The following UNC13C variants were observed in gnomAD, a reference collection of about 807,000 sequenced individuals.
The protein encoded by UNC13C is unc-13 homolog C.
UNC13C carries 174 observed loss-of-function variants against 245.4 expected under a neutral mutation model. That is an observed-to-expected ratio of 0.71 (90% CI 0.63 to 0.80). The LOEUF (loss-of-function observed/expected upper bound fraction) is 0.80. Ranked by LOEUF, UNC13C falls within the 30% of genes least tolerant of loss-of-function variation. UNC13C has a pLI of 0.00. For synonymous variants in UNC13C, 992 were observed against 895.1 expected (o/e 1.11, Z -1.93); for missense variants, 2,829 against 2,602.9 (o/e 1.09, Z -1.89).
At chr15:54,518,957 A>T (rs1394111970) in intron 24 of UNC13C, among the ~76,000 whole-genome samples, 1 of 152,094 alleles carries the variant, frequency 6.6e-6, no homozygotes, top group East Asian at 1.9e-4. Context: ...TTCCTTTCCC[A>T]TTGTTATAAA....
intron 1 of UNC13C, among the ~76,000 whole-genome samples, chr15:53,980,192 C>A (rs1026384981): frequency 6.6e-6 from 1 of 152,154 alleles, no homozygotes; most frequent in Non-Finnish European, 1.5e-5. Context: ...CTATAAACCT[C>A]ATTTTTGCCA....
intron 2 of UNC13C, among the ~76,000 whole-genome samples, chr15:54,117,828 G>A (rs563832643): frequency 1.3e-4 from 20 of 152,104 alleles, no homozygotes; most frequent in South Asian, 8.3e-4. Flanking sequence ...TGATTTCCCC[G>A]CCTTGGCCTC....
chr15:54,559,717 G>A (rs1238222738), intron 29 of UNC13C, among the ~76,000 whole-genome samples: 1 of 151,898 alleles, frequency 6.6e-6, no homozygotes, highest in Admixed American at 6.6e-5. Context: ...GGATGTAGAG[G>A]ATAAAGAGGG....
chr15:54,310,139 G>A (rs932539760), intron 13 of UNC13C, among the ~76,000 whole-genome samples: 1 of 151,384 alleles, frequency 6.6e-6, no homozygotes, highest in Non-Finnish European at 1.5e-5. Context: ...GAAGTGGTTT[G>A]CAGCACCTCT....
the UNC13C span, among the ~76,000 whole-genome samples, chr15:53,892,138 T>A: frequency 6.6e-6 from 1 of 152,208 alleles, no homozygotes; most frequent in Non-Finnish European, 1.5e-5. Context: ...CTTATAAAGC[T>A]TAGTTTGGCT....
chr15:54,014,128 C>T lies in UNC13C; in HGVS notation c.1225C>T (p.Leu409=), dbSNP rs764983407. The stretch of plus-strand genomic sequence containing the variant: ...AGGCATTGGAATCTCAACAGATATT[C>T]TAACTCATGACATCAGAGAAAGAAA... The part of the protein sequence containing the change: ...GTGIGISTDI[L]THDIRERKEK... Residue 409 remains leucine, a synonymous_variant, in exon 2 of 33, where the codon CTA becomes TTA. Coordinates refer to ENST00000260323, the MANE Select transcript of UNC13C (RefSeq NM_001080534.3). 2.5e-6 allele frequency: 4 copies of T among 1,613,714 alleles called. No individual in the cohort carries two copies. The South Asian group carries it at 4.4e-5, about 18-fold the overall frequency.
At chr15:54,161,503 C>T (rs1159362652) in intron 4 of UNC13C, among the ~76,000 whole-genome samples, 3 of 151,972 alleles carry the variant, frequency 2.0e-5, no homozygotes, top group Non-Finnish European at 4.4e-5. Context: ...TTTTAATATA[C>T]TGAGAGCATT....
chr15:54,236,205 G>A (rs746990316), intron 5 of UNC13C, among the ~76,000 whole-genome samples: 2 of 152,034 alleles, frequency 1.3e-5, no homozygotes, highest in Non-Finnish European at 2.9e-5. Flanking sequence ...TGCTAAGAAA[G>A]CCTTCATCTG....
At chr15:54,447,353 C>T (rs566461012) in intron 19 of UNC13C, among the ~76,000 whole-genome samples, 1 of 152,124 alleles carries the variant, frequency 6.6e-6, no homozygotes, top group Non-Finnish European at 1.5e-5. Flanking sequence ...AATGGTACCA[C>T]CTCCTCCTTG....
the UNC13C span, among the ~76,000 whole-genome samples, chr15:53,874,150 A>AT: frequency 9.9e-5 from 15 of 151,788 alleles, no homozygotes; most frequent in Admixed American, 6.6e-4. Context: ...TAATTTTTGT[A>AT]TTTTTTGTGG....
intron 7 of UNC13C, among the ~76,000 whole-genome samples, chr15:54,238,137 C>G (rs995110403): frequency 7.2e-6 from 1 of 139,324 alleles, no homozygotes; most frequent in Non-Finnish European, 1.5e-5. Flanking sequence ...TGCAGTGGCA[C>G]GATCTCGGCT....
At chr15:54,063,348 T>C (rs150896154) in intron 2 of UNC13C, among the ~76,000 whole-genome samples, 3 of 152,132 alleles carry the variant, frequency 2.0e-5, no homozygotes, top group East Asian at 1.9e-4. Flanking sequence ...AAGGGGGCGA[T>C]AGGCAAGAAT....
intron 30 of UNC13C, among the ~76,000 whole-genome samples, chr15:54,570,992 G>A (rs2141222070): frequency 6.6e-6 from 1 of 152,278 alleles, no homozygotes; most frequent in African/African-American, 2.4e-5. Context: ...TGCTGAAATA[G>A]AGGCATTTGG....
chr15:54,127,832 C>G (rs902803666), intron 2 of UNC13C, among the ~76,000 whole-genome samples: 2 of 148,046 alleles, frequency 1.4e-5, no homozygotes, highest in Non-Finnish European at 3.0e-5. Context: ...AAAGCTTGAA[C>G]CTTCCTCCTT....
chr15:54,594,005 T>C (rs762687892), intron 30 of UNC13C, among the ~76,000 whole-genome samples: 2 of 152,212 alleles, frequency 1.3e-5, no homozygotes, highest in Non-Finnish European at 2.9e-5. Flanking sequence ...GATTTTTTTG[T>C]GCCACAGGGT....
rs139996076 is a variant in UNC13C, at chr15:54,450,320, C to G, written c.4933+35253C>G. On this transcript the variant is annotated intron_variant, in intron 19 of 32. Coordinates refer to ENST00000260323, the MANE Select transcript of UNC13C (RefSeq NM_001080534.3). ...AGCTGTCACACAGGGACATTTAAGT[C>G]TGCACAGGTTTCTGTTGCCTTTTGT... Among the ~76,000 whole-genome samples, 1,088 of 152,370 alleles carry G rather than the reference C, an allele frequency of 7.1e-3. 9 individuals are homozygous for G. The highest frequency in any genetic ancestry group is 0.034 in the Middle Eastern group (10 of 294).
chr15:54,049,228 G>A (rs879030240), intron 2 of UNC13C: 35 of 506,714 alleles, frequency 6.9e-5, no homozygotes, highest in South Asian at 5.5e-4. Flanking sequence ...CATTGCTATG[G>A]TATCATTACT....
At chr15:53,970,132 A>G in the UNC13C span, among the ~76,000 whole-genome samples, 1 of 148,394 alleles carries the variant, frequency 6.7e-6, no homozygotes, top group Admixed American at 6.7e-5. Context: ...CTCACTCCTC[A>G]CTCCAACCTT....
chr15:54,543,256 G>A (rs1596541511), intron 26 of UNC13C, among the ~76,000 whole-genome samples: 1 of 151,882 alleles, frequency 6.6e-6, no homozygotes, highest in South Asian at 2.1e-4. Context: ...CTTCACTAAC[G>A]AAGACACAAC....
Sources: allele counts gnomAD v4.1 joint callset (sites outside exome capture counted in the v4.1 genomes callset), GRCh38; gene constraint gnomAD v4.1.1; transcripts MANE v1.5; gene names NCBI Gene and HGNC (gene_info 2026-07-23, HGNC 2026-07-21).